ANKRD44: variants seen among roughly 807,000 people sequenced by gnomAD.
ANKRD44 encodes ankyrin repeat domain 44, also known as serine/threonine-protein phosphatase 6 regulatory ankyrin repeat subunit B.
In ANKRD44, 35 loss-of-function variants were observed where a neutral mutation model predicts 116.0. The observed-to-expected ratio is 0.30, with a 90% CI of 0.23 to 0.40. The LOEUF is 0.40. Among genes scored for constraint, ANKRD44 ranks in the 10% least tolerant of loss-of-function variants. The pLI, the probability that ANKRD44 is intolerant of heterozygous loss-of-function variation, is 1.00. For missense variants in ANKRD44, 1,014 were observed against 1,242.6 expected (o/e 0.82, Z 2.77); for synonymous variants, 435 against 461.8 (o/e 0.94, Z 0.74).
chr2:197,284,567 C>G (rs760633771), intron 1 of ANKRD44, among the ~76,000 whole-genome samples: 1 of 150,490 alleles, frequency 6.6e-6, no homozygotes, highest in Non-Finnish European at 1.5e-5. Context: ...AAACAAAATT[C>G]TAGAAATATG....
At chr2:197,074,386 C>A (rs1310777693) in intron 16 of ANKRD44, among the ~76,000 whole-genome samples, 1 of 80,932 alleles carries the variant, frequency 1.2e-5, no homozygotes, top group Non-Finnish European at 2.6e-5. Context: ...CCTTAGATGA[C>A]CACCCAGTAG....
intron 21 of ANKRD44, among the ~76,000 whole-genome samples, chr2:196,973,113 T>C (rs899405446): frequency 1.3e-5 from 2 of 152,194 alleles, no homozygotes; most frequent in Non-Finnish European, 2.9e-5. Context: ...GCCAGCACCA[T>C]TTATTATCAC....
At chr2:197,154,471 G>T (rs1185714859) in intron 2 of ANKRD44, among the ~76,000 whole-genome samples, 1 of 152,146 alleles carries the variant, frequency 6.6e-6, no homozygotes, top group Admixed American at 6.5e-5. Flanking sequence ...GAGCCACCGC[G>T]CCCGGCCACT....
intron 16 of ANKRD44, among the ~76,000 whole-genome samples, chr2:197,037,167 G>A (rs1192250477): frequency 1.3e-5 from 2 of 152,356 alleles, no homozygotes; most frequent in Middle Eastern, 3.4e-3. Flanking sequence ...AACTACGGGT[G>A]TTTTGATTTC....
chr2:197,001,700 G>T, intron 22 of ANKRD44, 53 bp downstream of exon 22: 1 of 1,359,274 alleles, frequency 7.4e-7, no homozygotes, highest in Non-Finnish European at 1.0e-6. Context: ...ACTTTTCTAT[G>T]TGTAGTTAAA....
At chr2:197,153,954 A>G (rs2079732124) in intron 2 of ANKRD44, among the ~76,000 whole-genome samples, 1 of 151,986 alleles carries the variant, frequency 6.6e-6, no homozygotes, top group East Asian at 1.9e-4. Context: ...TGCAGTGTAC[A>G]CCTTTGTACA....
intron 2 of ANKRD44, among the ~76,000 whole-genome samples, chr2:197,169,855 G>T (rs1035940393): frequency 7.0e-4 from 107 of 152,120 alleles, no homozygotes; most frequent in African/African-American, 2.4e-3. Flanking sequence ...ATATTCCACT[G>T]GCTCTGAGGG....
intron 16 of ANKRD44, among the ~76,000 whole-genome samples, chr2:197,044,373 T>TTTG (rs1274005536): frequency 6.6e-6 from 1 of 152,154 alleles, no homozygotes; most frequent in Non-Finnish European, 1.5e-5. Context: ...GTCAATTTTT[T>TTTG]TTGTTGTTGT....
intron 1 of ANKRD44, among the ~76,000 whole-genome samples, chr2:197,208,951 T>C (rs1001243108): frequency 6.6e-6 from 1 of 152,206 alleles, no homozygotes; most frequent in African/African-American, 2.4e-5. Context: ...TCTCAGAACA[T>C]AGTGTGATTC....
intron 17 of ANKRD44, among the ~76,000 whole-genome samples, chr2:197,018,066 A>T (rs985444830): frequency 2.0e-5 from 3 of 152,090 alleles, no homozygotes; most frequent in Non-Finnish European, 4.4e-5. Flanking sequence ...TCTTTCTTTA[A>T]AATACGTCCA....
At chr2:196,989,681 T>C in intron 27 of ANKRD44, 32 bp from the exon 28 acceptor site, 5 of 1,548,968 alleles carry the variant, frequency 3.2e-6, no homozygotes, top group Non-Finnish European at 2.6e-6. Context: ...CAGTATTCAC[T>C]ATGTTGATTT....
chr2:197,133,633 G>A (rs2079142652), intron 4 of ANKRD44, among the ~76,000 whole-genome samples: 1 of 152,138 alleles, frequency 6.6e-6, no homozygotes. Flanking sequence ...CCAATCTAAA[G>A]AACAGACCTG....
intron 16 of ANKRD44, among the ~76,000 whole-genome samples, chr2:197,049,503 A>G (rs1421098655): frequency 1.3e-5 from 2 of 152,188 alleles, no homozygotes; most frequent in Non-Finnish European, 2.9e-5. Flanking sequence ...ACACAATCAG[A>G]CACTAATATT....
At chr2:197,284,154 T>C (rs1031513233) in intron 1 of ANKRD44, among the ~76,000 whole-genome samples, 2 of 152,202 alleles carry the variant, frequency 1.3e-5, no homozygotes, top group Admixed American at 1.3e-4. Flanking sequence ...AAGACATCTA[T>C]ACCTATTGAC....
chr2:197,007,936 A>G lies in ANKRD44; in HGVS notation c.2013-13T>C. ...CATCAGTGGTGTTCTAGGCAGAGAG[A>G]TAAAGCAGGCTTTTAAAAAGGAGAT... On this transcript the variant is annotated splice_polypyrimidine_tract_variant and intron_variant, in intron 19 of 27. Coordinates refer to ENST00000282272, the MANE Select transcript of ANKRD44 (RefSeq NM_001195144.2). 1 of 1,581,470 alleles carries G rather than the reference A, an allele frequency of 6.3e-7. No homozygotes were observed. Among genetic ancestry groups the G allele is most frequent in the Non-Finnish European group, 8.7e-7 (1 of 1,152,222 alleles).
intron 17 of ANKRD44, among the ~76,000 whole-genome samples, chr2:197,020,692 TA>T (rs932464947): frequency 3.3e-5 from 5 of 152,164 alleles, no homozygotes; most frequent in African/African-American, 1.2e-4. Context: ...ATGCATAAAG[TA>T]AAGCCTTCAC....
rs559374260 is a variant in ANKRD44, at chr2:197,066,646, A to G, written c.1650+12057T>C. ...TCACAAGCATTCTTATACACCAATA[A>G]CAGACAAACAGAGAGCCAAATCATG... On this transcript the variant is annotated intron_variant, in intron 16 of 27. Transcript: ENST00000282272. Among the ~76,000 whole-genome samples the G allele has an allele frequency of 1.1e-4, 17 of 152,306 alleles. No homozygotes were observed. In the East Asian group the frequency reaches 1.9e-3, roughly 17 times the overall value.
intron 1 of ANKRD44, among the ~76,000 whole-genome samples, chr2:197,235,692 T>C (rs1479886595): frequency 1.3e-4 from 19 of 149,748 alleles, no homozygotes; most frequent in Non-Finnish European, 1.5e-5. Context: ...GGGAGATATA[T>C]AAATAATACA....
At chr2:197,009,124 G>A in intron 18 of ANKRD44, 93 bp from the exon 19 acceptor site, 1 of 1,035,030 alleles carries the variant, frequency 9.7e-7, no homozygotes, top group Non-Finnish European at 1.5e-6. Context: ...ATGGAGTCTT[G>A]CTCTGTCGCC....
Sources: gnomAD v4.1 joint callset for allele counts (sites outside exome capture counted in the v4.1 genomes callset) on GRCh38, gnomAD v4.1.1 for gene constraint, MANE v1.5 for transcripts, NCBI Gene and HGNC (gene_info 2026-07-23, HGNC 2026-07-21) for gene names.